Variants in SOX6 observed in about 807,000 individuals in gnomAD.
SOX6 encodes SRY-box transcription factor 6.
In SOX6, 11 loss-of-function variants were observed where a neutral mutation model predicts 97.8. That is an observed-to-expected ratio of 0.11 (90% CI 0.07 to 0.19). SOX6 has a LOEUF of 0.19. SOX6 is among the 10% of genes least tolerant of loss of function. The pLI is 1.00. For synonymous variants in SOX6, 360 were observed against 371.4 expected, an observed-to-expected ratio of 0.97 and a Z score of 0.35; for missense variants, 810 against 1,039.5, an observed-to-expected ratio of 0.78 and a Z score of 3.04.
chr11:16,269,281 C>T (rs964548307), intron 3 of SOX6, among the ~76,000 whole-genome samples: 1 of 150,098 alleles, frequency 6.7e-6, no homozygotes, highest in African/African-American at 2.4e-5. Context: ...ATTCATTTGC[C>T]ATTACTGTAC....
chr11:16,258,766 C>T (rs575573057), intron 3 of SOX6, among the ~76,000 whole-genome samples: 125 of 151,782 alleles, frequency 8.2e-4, no homozygotes, highest in African/African-American at 2.7e-3. Context: ...AAATCTACCA[C>T]TCTGTTATGA....
At chr11:16,111,630 A>G (rs73417100) in intron 7 of SOX6, among the ~76,000 whole-genome samples, 173 bp downstream of exon 7, 1 of 152,202 alleles carries the variant, frequency 6.6e-6, no homozygotes, top group African/African-American at 2.4e-5. Context: ...TTTAGCAACC[A>G]ATTAGTTTAT....
At chr11:16,368,324 A>C (rs1211408786) in intron 1 of SOX6, among the ~76,000 whole-genome samples, 1 of 152,152 alleles carries the variant, frequency 6.6e-6, no homozygotes, top group African/African-American at 2.4e-5. Flanking sequence ...TCTACAAAAA[A>C]TTCAAATGTT....
At chr11:16,645,685 G>A (rs2134008881) in intron 3 of SOX6, among the ~76,000 whole-genome samples, 1 of 152,304 alleles carries the variant, frequency 6.6e-6, no homozygotes. Flanking sequence ...GAATTATGCA[G>A]CTGCAAGCCA....
At chr11:16,509,037 C>T (rs879555544) in intron 4 of SOX6, among the ~76,000 whole-genome samples, 1 of 151,800 alleles carries the variant, frequency 6.6e-6, no homozygotes, top group Non-Finnish European at 1.5e-5. Flanking sequence ...ACATTAAAAA[C>T]TGGTAATAGA....
chr11:16,262,816 T>G (rs569981740), intron 3 of SOX6, among the ~76,000 whole-genome samples: 144 of 152,152 alleles, frequency 9.5e-4, no homozygotes, highest in Middle Eastern at 3.4e-3. Context: ...CAGAGAAGAA[T>G]TCTTAGGTCT....
intron 3 of SOX6, among the ~76,000 whole-genome samples, chr11:16,288,449 T>A (rs1854814870): frequency 6.6e-6 from 1 of 152,028 alleles, no homozygotes; most frequent in South Asian, 2.1e-4. Flanking sequence ...GCATTAGATA[T>A]ACTAAATATG....
chr11:16,204,171 A>G (rs896143202), intron 4 of SOX6, among the ~76,000 whole-genome samples: 1 of 152,168 alleles, frequency 6.6e-6, no homozygotes, highest in Non-Finnish European at 1.5e-5. Context: ...CAATTTACAT[A>G]TGATGAAACA....
chr11:16,054,449 TCTC>T (rs748808794), intron 10 of SOX6, among the ~76,000 whole-genome samples: 10 of 152,130 alleles, frequency 6.6e-5, no homozygotes, highest in Non-Finnish European at 1.0e-4. Context: ...ACATAAATGT[TCTC>T]CTATTTCTTT....
At chr11:16,729,757 C>T (rs1311809879) in intron 2 of SOX6, among the ~76,000 whole-genome samples, 1 of 151,928 alleles carries the variant, frequency 6.6e-6, no homozygotes, top group African/African-American at 2.4e-5. Flanking sequence ...GAGCTAAATG[C>T]CCCAGTTAAA....
intron 3 of SOX6, chr11:16,316,603 C>A (rs1196371133): frequency 6.6e-6 from 1 of 151,930 alleles, no homozygotes; most frequent in East Asian, 1.9e-4. Context: ...TTAACCATTA[C>A]TTGCAAGGAA....
chr11:15,994,561 A>G (rs954451006), intron 13 of SOX6, among the ~76,000 whole-genome samples: 4 of 152,110 alleles, frequency 2.6e-5, no homozygotes, highest in African/African-American at 9.7e-5. Flanking sequence ...GAGTAACATG[A>G]AAAAATATGT....
chr11:16,200,651 C>A lies in SOX6; in HGVS notation c.536-13696G>T, dbSNP rs576531778. 1.3e-4 allele frequency among the ~76,000 whole-genome samples: 20 copies of A among 152,254 alleles called. No homozygotes were observed. The East Asian group carries it at 3.9e-3, about 29-fold the overall frequency. On this transcript the variant is annotated intron_variant, in intron 4 of 15. Coordinates refer to ENST00000683767, the MANE Select transcript of SOX6 (RefSeq NM_001367873.1). ...CAATTATCATGCACTGATGAAAAAA[C>A]TGTTATGTTCTTTGACAAAGAAAAT...
chr11:16,258,760 C>T (rs1853772839), intron 3 of SOX6, among the ~76,000 whole-genome samples: 1 of 151,650 alleles, frequency 6.6e-6, no homozygotes. Context: ...TGCAACAAAT[C>T]TACCACTCTG....
chr11:16,139,716 T>A (rs979002753), intron 6 of SOX6, among the ~76,000 whole-genome samples: 2 of 152,070 alleles, frequency 1.3e-5, no homozygotes, highest in South Asian at 2.1e-4. Flanking sequence ...GATATTACTA[T>A]TGGAGTGTAT....
At position 16,444,011 on chromosome 11, in the gene SOX6, CAA is replaced by C. The variant is rs11448266; in HGVS notation, c.-5+32302_-5+32303del. Among the ~76,000 whole-genome samples the C allele has an allele frequency of 1.2e-3, 140 of 115,412 alleles. 1 individual carries two copies. The South Asian group carries it at 0.013, about 11-fold the overall frequency. The allele number at this position is 115,412 out of a possible 152,430, so 75.7% of individuals were successfully genotyped here. The stretch of plus-strand genomic sequence containing the variant: ...CTGGCAACAGAGCGAGACTCTGTCT[CAA>C]AAAAAAAAAAAAAAAAAATTGCCCC... On this transcript the variant is annotated intron_variant, in intron 1 of 15. Transcript: ENST00000396356.
chr11:16,629,854 A>G (rs909435309), intron 3 of SOX6, among the ~76,000 whole-genome samples: 11 of 151,960 alleles, frequency 7.2e-5, no homozygotes, highest in Non-Finnish European at 1.2e-4. Context: ...TAATTTATCA[A>G]TTTCCTCTAG....
intron 1 of SOX6, among the ~76,000 whole-genome samples, chr11:16,373,864 GAA>G: frequency 5.0e-4 from 19 of 37,886 alleles, no homozygotes; most frequent in South Asian, 9.8e-4. Flanking sequence ...AGGAAGGAAG[GAA>G]GGAAGGAAGG....
rs1187747859 is a variant in SOX6, at chr11:16,567,570, T to C, written n.609+44511A>G. ...TATGTCATATTTTTTTCTTTTTTTTTTTTTTTTTTTTTTTTTGAGACGGAG... is the reference window on the plus strand; with the variant it reads ...TATGTCATATTTTTTTCTTTTTTTTCTTTTTTTTTTTTTTTTGAGACGGAG... On this transcript the variant is annotated intron_variant and non_coding_transcript_variant, in intron 4 of 5. Transcript: ENST00000524520. Among the ~76,000 whole-genome samples, 226 of 136,028 alleles carry C rather than the reference T, an allele frequency of 1.7e-3. 2 individuals are homozygous for C. In the East Asian group the frequency reaches 0.024, roughly 14 times the overall value. 89.2% of individuals were successfully genotyped at this position (136,028 alleles called of 152,430 possible).
Sources: gnomAD v4.1 joint callset for allele counts (sites outside exome capture counted in the v4.1 genomes callset) on GRCh38, gnomAD v4.1.1 for gene constraint, MANE v1.5 for transcripts, NCBI Gene and HGNC (gene_info 2026-07-23, HGNC 2026-07-21) for gene names.